Variants in PDS5B observed in about 807,000 individuals in gnomAD.
The protein encoded by PDS5B is sister chromatid cohesion protein PDS5 homolog B.
In PDS5B, 51 loss-of-function variants were observed where a neutral mutation model predicts 184.1. That is an observed-to-expected ratio of 0.28 (90% CI 0.22 to 0.35). The LOEUF is 0.35. PDS5B is among the 10% of genes least tolerant of loss of function. The probability of loss-of-function intolerance (pLI) is 1.00; values close to 1 mark genes in which losing one functional copy is unlikely to be tolerated. For synonymous variants in PDS5B, 566 were observed against 569.2 expected, an observed-to-expected ratio of 0.99 and a Z score of 0.08; for missense variants, 1,180 against 1,723.3, an observed-to-expected ratio of 0.68 and a Z score of 5.58.
At chr13:32,697,637 C>T (rs3848087) in intron 15 of PDS5B, among the ~76,000 whole-genome samples, 47,628 of 152,078 alleles carry the variant, frequency 0.31, 9,119 homozygotes, top group Non-Finnish European at 0.43. Context: ...TTCTTCTGTC[C>T]TGGGAAAACT....
chr13:32,775,111 T>TTTTTTG lies in PDS5B; in HGVS notation c.*60_*61insTTTTGT, dbSNP rs1954916653. On this transcript the variant is annotated 3_prime_UTR_variant, in exon 35 of 35. Coordinates refer to ENST00000315596, the MANE Select transcript of PDS5B (RefSeq NM_015032.4). ...TTTGGAAAAATCTTTTTTTTTTTTT[T>TTTTTTG]TGGTCAAGCTTGAGGCTGAATAAAG... 6.7e-7 allele frequency: 1 copy of TTTTTTG among 1,501,086 alleles called. No individual in the cohort carries two copies. The highest frequency in any genetic ancestry group is 1.4e-5 in the African/African-American group (1 of 71,086). 93.0% of individuals were successfully genotyped at this position (1,501,086 alleles called of 1,614,324 possible).
chr13:32,709,637 T>C (rs1401653885), intron 18 of PDS5B, among the ~76,000 whole-genome samples: 4 of 152,040 alleles, frequency 2.6e-5, no homozygotes, highest in Non-Finnish European at 5.9e-5. Context: ...TCCCCTTTTC[T>C]CCTCTCATTC....
intron 19 of PDS5B, among the ~76,000 whole-genome samples, chr13:32,716,657 A>T (rs1952436343): frequency 3.1e-5 from 3 of 98,182 alleles, no homozygotes; most frequent in Admixed American, 9.6e-5. Flanking sequence ...CCCGTTTGGG[A>T]GGGAGGTGGG....
intron 1 of PDS5B, among the ~76,000 whole-genome samples, chr13:32,606,915 A>T (rs1172545171): frequency 6.6e-6 from 1 of 152,196 alleles, no homozygotes; most frequent in African/African-American, 2.4e-5. Context: ...TCAGTCCATC[A>T]GGTCATTTAA....
Position 32,773,296 on chromosome 13 carries a change from CAG to C in PDS5B, c.4283_4284del (p.Glu1428GlyfsTer15), listed in dbSNP as rs1204757156. On this transcript the variant is annotated frameshift_variant, in exon 34 of 35. Transcript: ENST00000315596. LOFTEE classifies it high-confidence loss of function. ...GTCGATGATATTCCACAGGAAGAAA[CAG>C]AGGAGGAGGAAGTTTCTACAGTAAA... 1.6e-5 allele frequency: 25 copies of C among 1,612,544 alleles called. No homozygotes were observed. Among genetic ancestry groups the C allele is most frequent in the Non-Finnish European group, 2.0e-5 (24 of 1,179,362 alleles).
chr13:32,690,947 AC>A (rs948130657), intron 13 of PDS5B: 7 of 152,122 alleles, frequency 4.6e-5, no homozygotes, highest in African/African-American at 1.7e-4. Flanking sequence ...TATTATACTT[AC>A]CAGTATTTTA....
intron 1 of PDS5B, among the ~76,000 whole-genome samples, chr13:32,604,855 T>C (rs2058035859): frequency 1.3e-5 from 2 of 152,248 alleles, no homozygotes; most frequent in Non-Finnish European, 2.9e-5. Context: ...TCTAGTTTAT[T>C]TGCATAGAGG....
At chr13:32,601,558 A>C (rs1312363326) in intron 1 of PDS5B, among the ~76,000 whole-genome samples, 2 of 152,260 alleles carry the variant, frequency 1.3e-5, no homozygotes, top group Non-Finnish European at 2.9e-5. Flanking sequence ...ACATGGTACC[A>C]GGTGATACTG....
chr13:32,711,713 A>T lies in PDS5B; in HGVS notation c.2123+1607A>T, dbSNP rs572323327. 2.6e-5 allele frequency among the ~76,000 whole-genome samples: 4 copies of T among 152,278 alleles called. No individual in the cohort carries two copies. The East Asian group carries it at 7.7e-4, about 29-fold the overall frequency. On this transcript the variant is annotated intron_variant, in intron 19 of 34. Coordinates refer to ENST00000315596, the MANE Select transcript of PDS5B (RefSeq NM_015032.4). ...CATAAGCTTCCCTTTGGATGGTGCT[A>T]TGGCTCTCCTAGTCAGATCAGAGAT...
At chr13:32,667,688 A>C in intron 6 of PDS5B, 76 bp from the exon 7 acceptor site, 1 of 800,284 alleles carries the variant, frequency 1.2e-6, no homozygotes, top group Non-Finnish European at 2.0e-6. Flanking sequence ...TTACTCAAGT[A>C]GCATTTTGAA....
intron 1 of PDS5B, among the ~76,000 whole-genome samples, chr13:32,612,602 C>T (rs1211180913): frequency 1.3e-5 from 2 of 152,080 alleles, no homozygotes; most frequent in African/African-American, 4.8e-5. Flanking sequence ...GGAACTTGAT[C>T]CTCATTCAGC....
Position 32,665,588 on chromosome 13 carries a change from CAAAAAAAA to C in PDS5B, c.625-2157_625-2150del, listed in dbSNP as rs34604938. ...TGGGCGACAGAGCGAGACTCCGACT[CAAAAAAAA>C]AAAAAAAAAAAAAAAAAAGAAAATA... On this transcript the variant is annotated intron_variant, in intron 6 of 34. Coordinates refer to ENST00000315596, the MANE Select transcript of PDS5B (RefSeq NM_015032.4). Among the ~76,000 whole-genome samples the C allele has an allele frequency of 3.5e-4, 9 of 25,882 alleles. No individual in the cohort carries two copies. In the East Asian group the frequency reaches 4.4e-3, roughly 13 times the overall value. 17.0% of individuals were successfully genotyped at this position (25,882 alleles called of 152,430 possible).
At chr13:32,757,238 TA>T (rs1240021873) in intron 26 of PDS5B, among the ~76,000 whole-genome samples, 1 of 152,192 alleles carries the variant, frequency 6.6e-6, no homozygotes, top group Admixed American at 6.5e-5. Flanking sequence ...TTTTTAAAAA[TA>T]AATAAAACAT....
intron 19 of PDS5B, among the ~76,000 whole-genome samples, chr13:32,722,658 T>G (rs1186351045): frequency 6.6e-6 from 1 of 152,272 alleles, no homozygotes; most frequent in African/African-American, 2.4e-5. Flanking sequence ...GACTGTATTT[T>G]AAACAAATTA....
intron 21 of PDS5B, among the ~76,000 whole-genome samples, chr13:32,737,415 C>T (rs1188572210): frequency 1.3e-5 from 2 of 152,108 alleles, no homozygotes; most frequent in African/African-American, 4.8e-5. Context: ...TCTTGTTCTT[C>T]TAGCTCTGTG....
intron 2 of PDS5B, 93 bp from the exon 3 acceptor site, chr13:32,651,711 G>A: frequency 1.4e-6 from 1 of 701,982 alleles, no homozygotes; most frequent in East Asian, 2.5e-5. Context: ...ATATTCATTT[G>A]AAGTTAACCT....
At chr13:32,769,570 A>G (rs974057814) in intron 31 of PDS5B, among the ~76,000 whole-genome samples, 1 of 152,198 alleles carries the variant, frequency 6.6e-6, no homozygotes, top group Non-Finnish European at 1.5e-5. Flanking sequence ...ACCTAGAAAG[A>G]AGCAGTATTT....
intron 26 of PDS5B, 128 bp from the exon 27 acceptor site, chr13:32,757,959 C>CTT (rs550088398): frequency 2.2e-4 from 76 of 341,922 alleles, no homozygotes; most frequent in Non-Finnish European, 2.7e-4. Context: ...GTAACTGTTT[C>CTT]TTTTTTTTTT....
At chr13:32,653,842 C>A (rs1950430972) in intron 3 of PDS5B, among the ~76,000 whole-genome samples, 1 of 152,170 alleles carries the variant, frequency 6.6e-6, no homozygotes, top group Non-Finnish European at 1.5e-5. Flanking sequence ...GTCTTGTTGG[C>A]ATTCTCATGA....
Sources: gnomAD v4.1 joint callset for allele counts (sites outside exome capture counted in the v4.1 genomes callset) on GRCh38, gnomAD v4.1.1 for gene constraint, MANE v1.5 for transcripts, NCBI Gene and HGNC (gene_info 2026-07-23, HGNC 2026-07-21) for gene names.